The following TET2 variants were observed in gnomAD, a reference collection of about 807,000 sequenced individuals.
The protein encoded by TET2 is tet methylcytosine dioxygenase 2.
A neutral mutation model predicts 142.9 loss-of-function variants in TET2; 299 were observed. The ratio of observed to expected loss-of-function variants is 2.09; its 90% CI spans 1.90 to 2.30. The LOEUF is 2.30. Among genes scored for constraint, TET2 ranks in the 30% most tolerant of loss-of-function variants. The pLI, the probability that TET2 is intolerant of heterozygous loss-of-function variation, is 0.00. For missense variants in TET2, 2,418 were observed against 2,378.0 expected (o/e 1.02, Z -0.35); for synonymous variants, 819 against 849.0 (o/e 0.96, Z 0.61).
rs182685765 is a variant in TET2, at chr4:105,169,596, T to G, written c.-192-20764T>G. On this transcript the variant is annotated intron_variant, in intron 1 of 10. Coordinates refer to ENST00000380013, the MANE Select transcript of TET2 (RefSeq NM_001127208.3). ...CTCTTTTGTTTAATTAAGTCTCACC[T>G]ATTTATCTTTGTTTTTGTTGCATTT... Among the ~76,000 whole-genome samples, 680 of 152,354 alleles carry G rather than the reference T, an allele frequency of 4.5e-3. 3 individuals are homozygous for G. The highest frequency in any genetic ancestry group is 7.0e-3 in the Non-Finnish European group (478 of 68,040).
At position 105,275,281 on chromosome 4, in the gene TET2, A is replaced by T. The variant is rs1490214353; in HGVS notation, c.4771A>T (p.Ser1591Cys). 6 of 1,552,166 alleles carry T rather than the reference A, an allele frequency of 3.9e-6. No homozygotes were observed. The Admixed American group carries it at 9.8e-5, about 25-fold the overall frequency. ...TTCACACACTTCAGATATCTATGGA[A>T]GCACCAGCCCTATGAACTTCTATTC... ...NSSHTSDIYG[S>C]TSPMNFYSTS... Residue 1591 changes from serine to cysteine, a missense_variant, in exon 11 of 11, where the codon AGC (serine) becomes TGC (cysteine). Physicochemically the swap from Ser to Cys is moderately radical, Grantham distance 112. Transcript: ENST00000380013.
intron 2 of TET2, among the ~76,000 whole-genome samples, chr4:105,202,160 G>A (rs1276239988): frequency 6.6e-6 from 1 of 152,034 alleles, no homozygotes; most frequent in East Asian, 1.9e-4. Flanking sequence ...TTGACATATT[G>A]TGAACACAGA....
intron 2 of TET2, among the ~76,000 whole-genome samples, chr4:105,206,028 C>T (rs1456307538): frequency 6.6e-6 from 1 of 152,178 alleles, no homozygotes; most frequent in Non-Finnish European, 1.5e-5. Context: ...ATGCCCACCC[C>T]ACAACCCACA....
intron 1 of TET2, among the ~76,000 whole-genome samples, chr4:105,161,638 A>T (rs1457262518): frequency 6.6e-6 from 1 of 152,232 alleles, no homozygotes; most frequent in Non-Finnish European, 1.5e-5. Context: ...ATATATGGAT[A>T]TAAGCTGCAA....
intron 9 of TET2, among the ~76,000 whole-genome samples, chr4:105,270,483 TA>T (rs1473344448): frequency 6.6e-6 from 1 of 152,118 alleles, no homozygotes; most frequent in African/African-American, 2.4e-5. Flanking sequence ...CCATTCACCT[TA>T]CAGAGAGAGA....
At chr4:105,151,983 G>A (rs568492114) in intron 1 of TET2, among the ~76,000 whole-genome samples, 116 of 152,006 alleles carry the variant, frequency 7.6e-4, no homozygotes, top group Admixed American at 5.7e-3. Flanking sequence ...GCTGAGGCCC[G>A]AGAATCACTT....
chr4:105,229,542 C>T (rs1728380561), intron 2 of TET2, among the ~76,000 whole-genome samples: 1 of 152,080 alleles, frequency 6.6e-6, no homozygotes, highest in Non-Finnish European at 1.5e-5. Flanking sequence ...ATCTCTTGAC[C>T]TCGTGATCTG....
chr4:105,208,923 TAA>T (rs1726982275), intron 2 of TET2, among the ~76,000 whole-genome samples: 1 of 151,056 alleles, frequency 6.6e-6, no homozygotes, highest in Non-Finnish European at 1.5e-5. Flanking sequence ...GAAACAAGGA[TAA>T]AGAGACAAGG....
Position 105,275,463 on chromosome 4 carries a change from C to G in TET2, c.4953C>G (p.Pro1651=). 6.4e-7 allele frequency: 1 copy of G among 1,551,682 alleles called. No homozygotes were observed. Among genetic ancestry groups the G allele is most frequent in the African/African-American group, 1.4e-5 (1 of 73,162 alleles). ...CCCCATATCTGGGTTCCTATTCTCC[C>G]CAGTCTCAGCCGATGGATCTGTATA... The part of the protein sequence containing the change: ...NCSPYLGSYS[P]QSQPMDLYRY... Residue 1651 remains proline, a synonymous_variant, in exon 11 of 11, where the codon CCC becomes CCG. Coordinates refer to ENST00000380013, the MANE Select transcript of TET2 (RefSeq NM_001127208.3).
In TET2 at chr4:105,235,723, C is replaced by T. The variant is rs1728829166; in HGVS notation, c.1781C>T (p.Pro594Leu). Residue 594 changes from proline (P) to leucine (L), a missense_variant, in exon 3 of 11, where the codon CCC becomes CTC. Transcript: ENST00000380013. ...ASLPSILQYQ[P>L]NLSNQMTSKQ... ...CTGCCATCAATTCTTCAGTATCAAC[C>T]CAATCTCTCCAATCAAATGACCTCC... 1.9e-6 allele frequency: 3 copies of T among 1,613,984 alleles called. No individual in the cohort carries two copies. Among genetic ancestry groups the T allele is most frequent in the South Asian group, 2.2e-5 (2 of 91,084 alleles).
At chr4:105,169,786 T>C (rs1340629262) in intron 1 of TET2, among the ~76,000 whole-genome samples, 1 of 152,184 alleles carries the variant, frequency 6.6e-6, no homozygotes, top group Non-Finnish European at 1.5e-5. Context: ...CTAGTTTCAT[T>C]CTTCTATATG....
chr4:105,163,678 T>A (rs1383121661), intron 1 of TET2, among the ~76,000 whole-genome samples: 1 of 152,140 alleles, frequency 6.6e-6, no homozygotes, highest in East Asian at 1.9e-4. Flanking sequence ...CCTATAAATT[T>A]TGAATTATCT....
chr4:105,147,464 G>GT lies in TET2; in HGVS notation c.-193+486dup, dbSNP rs987977404. 3.2e-4 allele frequency: 49 copies of GT among 152,390 alleles called. 1 individual carries two copies. Among genetic ancestry groups the GT allele is most frequent in the African/African-American group, 1.2e-3 (49 of 41,542 alleles). The allele number at this position is 152,390 out of a possible 1,614,324, so 9.4% of individuals were successfully genotyped here. A position where few individuals can be genotyped will look rare whatever the true frequency, so the allele number is the denominator to read the frequency against. ...GTGTTTTTCGACCCTTTTATCAGCT[G>GT]TAGGGTCTGGGTCTGGGTTTGTGTC... On this transcript the variant is annotated intron_variant, in intron 1 of 10. Coordinates refer to ENST00000380013, the MANE Select transcript of TET2 (RefSeq NM_001127208.3).
intron 4 of TET2, chr4:105,242,617 A>T: frequency 7.8e-7 from 1 of 1,277,954 alleles, no homozygotes. Flanking sequence ...AAAATAGTTC[A>T]TTACAATTAT....
rs750024433 is a variant in TET2, at chr4:105,236,572, ATCT to A, written c.2636_2638del (p.Leu879del). ...CCAAATAATGTGATCCCAAAGCAAG[ATCT>A]TCTTCACAGGTGCTTTCAAGAACAG... On this transcript the variant is annotated inframe_deletion, in exon 3 of 11. Coordinates refer to ENST00000380013, the MANE Select transcript of TET2 (RefSeq NM_001127208.3). 7 of 1,614,140 alleles carry A rather than the reference ATCT, an allele frequency of 4.3e-6. No individual in the cohort carries two copies. Among genetic ancestry groups the A allele is most frequent in the Middle Eastern group, 1.6e-4 (1 of 6,062 alleles).
Position 105,237,128 on chromosome 4 carries a change from C to T in TET2, c.3186C>T (p.Val1062=). The change falls in exon 3 of 11, where the codon GTC becomes GTT. Residue 1062 remains valine (V), a synonymous_variant. Transcript: ENST00000380013. The stretch of plus-strand genomic sequence containing the variant: ...TAAAAGTTGAAATGTCAGGGCCAGT[C>T]ACAGTTTTGACTAGACAAACCACTG... The part of the protein sequence containing the change: ...KQVKVEMSGP[V]TVLTRQTTAA... The T allele has an allele frequency of 6.2e-7, 1 of 1,614,150 alleles. No individual in the cohort carries two copies. Among genetic ancestry groups the T allele is most frequent in the Non-Finnish European group, 8.5e-7 (1 of 1,180,022 alleles).
At chr4:105,200,951 A>T (rs1578608185) in intron 2 of TET2, among the ~76,000 whole-genome samples, 2 of 151,932 alleles carry the variant, frequency 1.3e-5, no homozygotes, top group Non-Finnish European at 2.9e-5. Flanking sequence ...GAGCCACCAC[A>T]CCTGGCCCCA....
Position 105,235,738 on chromosome 4 carries a change from A to C in TET2, c.1796A>C (p.Gln599Pro). 1 of 1,614,174 alleles carries C rather than the reference A, an allele frequency of 6.2e-7. No individual in the cohort carries two copies. Among genetic ancestry groups the C allele is most frequent in the South Asian group, 1.1e-5 (1 of 91,090 alleles). Reference sequence around the variant, plus strand: ...CAGTATCAACCCAATCTCTCCAATCAAATGACCTCCAAACAATACACTGGA... The same window carrying C: ...CAGTATCAACCCAATCTCTCCAATCCAATGACCTCCAAACAATACACTGGA... Reference protein sequence around the residue: ...ILQYQPNLSNQMTSKQYTGNS... With the variant: ...ILQYQPNLSNPMTSKQYTGNS... Residue 599 changes from glutamine (Q) to proline (P), a missense_variant, in exon 3 of 11, where the codon CAA becomes CCA. Physicochemically the swap from Gln to Pro is moderately conservative, Grantham distance 76. Coordinates refer to ENST00000380013, the MANE Select transcript of TET2 (RefSeq NM_001127208.3).
chr4:105,170,961 A>G (rs565167533), intron 1 of TET2, among the ~76,000 whole-genome samples: 1 of 152,206 alleles, frequency 6.6e-6, no homozygotes, highest in African/African-American at 2.4e-5. Flanking sequence ...TCCTCCTTCT[A>G]CACTAGGAGA....
Sources: allele counts gnomAD v4.1 joint callset (sites outside exome capture counted in the v4.1 genomes callset), GRCh38; gene constraint gnomAD v4.1.1; transcripts MANE v1.5; gene names NCBI Gene and HGNC (gene_info 2026-07-23, HGNC 2026-07-21).